UBA2: variants seen among roughly 807,000 people sequenced by gnomAD.
UBA2 encodes the protein SUMO-activating enzyme subunit 2.
In UBA2, 11 loss-of-function variants were observed where a neutral mutation model predicts 77.2. The observed-to-expected ratio is 0.14, with a 90% confidence interval of 0.09 to 0.24. The LOEUF is 0.24. Among genes scored for constraint, UBA2 ranks in the 10% least tolerant of loss-of-function variants. The probability of loss-of-function intolerance (pLI) is 1.00; values close to 1 mark genes in which losing one functional copy is unlikely to be tolerated. For missense variants in UBA2, 487 were observed against 781.7 expected (o/e 0.62, Z 4.50); for synonymous variants, 278 against 276.7 (o/e 1.00, Z -0.05).
chr19:34,451,826 G>A (rs973905261), intron 9 of UBA2, among the ~76,000 whole-genome samples, 155 bp from the exon 10 acceptor site: 1 of 152,040 alleles, frequency 6.6e-6, no homozygotes, highest in African/African-American at 2.4e-5. Context: ...GATTACAGGC[G>A]TGAGCCACCG....
intron 8 of UBA2, among the ~76,000 whole-genome samples, chr19:34,448,169 A>G (rs895158205): frequency 1.3e-5 from 2 of 152,176 alleles, no homozygotes; most frequent in African/African-American, 4.8e-5. Context: ...ATTATAACCA[A>G]TCTGGGACAG....
In UBA2 at chr19:34,436,118, C is replaced by CA. The variant is rs201531113; in HGVS notation, c.459+1163dup. On this transcript the variant is annotated intron_variant, in intron 5 of 16. Transcript: ENST00000246548. ...CTGGGCAACGAGCGAAACTCTGTCT[C>CA]AAAAAAAAAAAAACCAAAAAATTCT... is the stretch of plus-strand genomic sequence containing the variant. 1.2e-3 allele frequency among the ~76,000 whole-genome samples: 168 copies of CA among 140,310 alleles called. 1 individual carries two copies. Among genetic ancestry groups the CA allele is most frequent in the African/African-American group, 2.6e-3 (99 of 37,784 alleles). The allele number at this position is 140,310 out of a possible 152,430, so 92.0% of individuals were successfully genotyped here. A position where few individuals can be genotyped will look rare whatever the true frequency, so the allele number is the denominator to read the frequency against.
chr19:34,463,889 G>A (rs562365213), intron 14 of UBA2, 137 bp from the exon 15 acceptor site: 6 of 638,858 alleles, frequency 9.4e-6, no homozygotes, highest in African/African-American at 5.5e-5. Flanking sequence ...GAGATACTGG[G>A]GATTAGGGTT....
At position 34,458,391 on chromosome 19, in the gene UBA2, T is replaced by TA. The variant is rs1195539359; in HGVS notation, c.1246-368dup. Among the ~76,000 whole-genome samples the TA allele has an allele frequency of 3.9e-3, 560 of 144,272 alleles. 5 individuals are homozygous for TA. Among genetic ancestry groups the TA allele is most frequent in the African/African-American group, 0.013 (505 of 38,716 alleles). 94.6% of individuals were successfully genotyped at this position (144,272 alleles called of 152,430 possible). On this transcript the variant is annotated intron_variant, in intron 12 of 16. Coordinates refer to ENST00000246548, the MANE Select transcript of UBA2 (RefSeq NM_005499.3). ...TAACACGGTGAAACCCCGTCTCTAC[T>TA]AAAAAAAAAATACAAAAAATTAGCC...
chr19:34,451,197 T>A (rs2075491763), intron 9 of UBA2, among the ~76,000 whole-genome samples: 1 of 152,116 alleles, frequency 6.6e-6, no homozygotes, highest in East Asian at 1.9e-4. Context: ...ACTATTGTAG[T>A]GGCTGCTTTC....
intron 2 of UBA2, among the ~76,000 whole-genome samples, 198 bp from the exon 3 acceptor site, chr19:34,431,663 G>A (rs1285287385): frequency 6.6e-6 from 1 of 151,964 alleles, no homozygotes; most frequent in Admixed American, 6.6e-5. Flanking sequence ...GGGGCTCTCC[G>A]GTTATTTTAT....
intron 12 of UBA2, among the ~76,000 whole-genome samples, chr19:34,458,443 C>A (rs934391141): frequency 2.6e-5 from 4 of 151,090 alleles, no homozygotes; most frequent in Admixed American, 6.6e-5. Flanking sequence ...GCCTGTAGTC[C>A]CAGCTACTCG....
chr19:34,452,269 G>C (rs2075509537), intron 10 of UBA2, 122 bp downstream of exon 10: 1 of 912,074 alleles, frequency 1.1e-6, no homozygotes, highest in South Asian at 2.3e-5. Flanking sequence ...ATATTGATTT[G>C]GCTTGGATAT....
intron 8 of UBA2, among the ~76,000 whole-genome samples, chr19:34,447,393 A>C (rs543856087): frequency 2.0e-5 from 3 of 152,274 alleles, no homozygotes; most frequent in African/African-American, 7.2e-5. Flanking sequence ...TCAAGTTGAC[A>C]CTCAGTATTA....
In UBA2 at chr19:34,470,699, T is replaced by C. The variant is rs2075727344; in HGVS notation, c.*1478T>C. 1 of 152,168 alleles carries C rather than the reference T, an allele frequency of 6.6e-6. No homozygotes were observed. Among genetic ancestry groups the C allele is most frequent in the South Asian group, 2.1e-4 (1 of 4,820 alleles). 9.4% of individuals were successfully genotyped at this position (152,168 alleles called of 1,614,324 possible). ...CACCACGCTCAGCTAATTTTTTGTA[T>C]TTTTAGTAGAGATGGGGTTTCACTA... On this transcript the variant is annotated 3_prime_UTR_variant, in exon 17 of 17. Coordinates refer to ENST00000246548, the MANE Select transcript of UBA2 (RefSeq NM_005499.3).
rs1599928217 is a variant in UBA2 at position 34,458,786 on chromosome 19, A to G, written c.1263A>G (p.Gln421=). The part of the protein sequence containing the change: ...DQCRTIFLNK[Q]PNPRKKLLVP... ...CTCCAAAGATTTTTTTGAATAAACA[A>G]CCAAACCCAAGAAAGAAGCTTCTTG... The change falls in exon 13 of 17, where the codon CAA becomes CAG. Residue 421 remains glutamine (Q), a synonymous_variant. Coordinates refer to ENST00000246548, the MANE Select transcript of UBA2 (RefSeq NM_005499.3). 1.9e-6 allele frequency: 3 copies of G among 1,610,224 alleles called. No individual in the cohort carries two copies. Among genetic ancestry groups the G allele is most frequent in the Non-Finnish European group, 1.7e-6 (2 of 1,179,062 alleles).
At position 34,428,561 on chromosome 19, in the gene UBA2, C is replaced by T. The variant is rs772202584; in HGVS notation, c.129C>T (p.His43=). The T allele has an allele frequency of 7.6e-7, 1 of 1,307,914 alleles. No individual in the cohort carries two copies. The highest frequency in any genetic ancestry group is 3.2e-5 in the South Asian group (1 of 31,150). 81.0% of individuals were successfully genotyped at this position (1,307,914 alleles called of 1,614,324 possible). A position where few individuals can be genotyped will look rare whatever the true frequency, so the allele number is the denominator to read the frequency against. ...LKNLVLTGFS[H]IDLIDLDTID... Reference sequence around the variant, plus strand: ...ATCTCGTGCTCACCGGTTTCTCCCACATCGACCTGGTGAGGGCCGGGCGCG... The same window carrying T: ...ATCTCGTGCTCACCGGTTTCTCCCATATCGACCTGGTGAGGGCCGGGCGCG... The change falls in exon 1 of 17, where the codon CAC becomes CAT. Residue 43 remains histidine (H), a synonymous_variant. Transcript: ENST00000246548.
Position 34,458,453 on chromosome 19 carries a change from G to A in UBA2, c.1246-316G>A, listed in dbSNP as rs113123773. On this transcript the variant is annotated intron_variant, in intron 12 of 16. Transcript: ENST00000246548. ...CGGGCGCCTGTAGTCCCAGCTACTCGGGAGGCTGAGGCAGGAGAATGGCGT... is the reference window on the plus strand; with the variant it reads ...CGGGCGCCTGTAGTCCCAGCTACTCAGGAGGCTGAGGCAGGAGAATGGCGT... 6.7e-3 allele frequency among the ~76,000 whole-genome samples: 1,008 copies of A among 150,464 alleles called. 14 individuals carry two copies. The highest frequency in any genetic ancestry group is 0.023 in the African/African-American group (962 of 40,992).
chr19:34,439,618 C>T (rs550420486), intron 6 of UBA2, among the ~76,000 whole-genome samples: 1 of 151,984 alleles, frequency 6.6e-6, no homozygotes, highest in African/African-American at 2.4e-5. Context: ...TCCCTTGAGC[C>T]CAGGAGTTTG....
intron 8 of UBA2, among the ~76,000 whole-genome samples, 187 bp downstream of exon 8, chr19:34,445,308 C>T (rs942357120): frequency 2.6e-5 from 4 of 152,092 alleles, no homozygotes; most frequent in Non-Finnish European, 5.9e-5. Context: ...ACCATCTACA[C>T]TAAATCTATC....
intron 4 of UBA2, among the ~76,000 whole-genome samples, chr19:34,434,033 C>T (rs1185184821): frequency 6.6e-6 from 1 of 151,316 alleles, no homozygotes; most frequent in Non-Finnish European, 1.5e-5. Context: ...ATTACTTCCA[C>T]ATGTAAAAGT....
At chr19:34,439,492 G>A (rs2075345216) in intron 6 of UBA2, among the ~76,000 whole-genome samples, 1 of 152,168 alleles carries the variant, frequency 6.6e-6, no homozygotes, top group Non-Finnish European at 1.5e-5. Context: ...TCTTTACTAA[G>A]AATCCAATTT....
intron 8 of UBA2, among the ~76,000 whole-genome samples, chr19:34,449,224 G>A (rs1001012107): frequency 1.3e-5 from 2 of 151,668 alleles, no homozygotes; most frequent in African/African-American, 2.4e-5. Context: ...CACGCGCCAC[G>A]ACGCCCAGCT....
intron 15 of UBA2, 49 bp from the exon 16 acceptor site, chr19:34,466,829 C>G (rs748157952): frequency 6.3e-7 from 1 of 1,576,600 alleles, no homozygotes. Flanking sequence ...TCTGGTGCTC[C>G]TTTGCTTTCT....
Sources: gnomAD v4.1 joint callset for allele counts (sites outside exome capture counted in the v4.1 genomes callset) on GRCh38, gnomAD v4.1.1 for gene constraint, MANE v1.5 for transcripts, NCBI Gene and HGNC (gene_info 2026-07-23, HGNC 2026-07-21) for gene names.